Variants in TCERG1 observed in about 807,000 individuals in gnomAD.
The protein encoded by TCERG1 is transcription elongation regulator 1, also known as TATA box binding protein (TBP)-associated factor, RNA polymerase II, S, 150kD.
A neutral mutation model predicts 144.7 loss-of-function variants in TCERG1; 37 were observed. The observed-to-expected ratio is 0.26, with a 90% CI of 0.20 to 0.34. The LOEUF is 0.34. TCERG1 is among the 10% of genes least tolerant of loss of function. The probability of loss-of-function intolerance (pLI) is 1.00; values close to 1 mark genes in which losing one functional copy is unlikely to be tolerated. For missense variants in TCERG1, 1,027 were observed against 1,380.7 expected (o/e 0.74, Z 4.06); for synonymous variants, 492 against 458.2 (o/e 1.07, Z -0.94).
intron 17 of TCERG1, among the ~76,000 whole-genome samples, chr5:146,502,389 C>G (rs1236225419): frequency 1.3e-5 from 2 of 152,072 alleles, no homozygotes; most frequent in African/African-American, 4.8e-5. Context: ...GTTGAAATGA[C>G]CTTGGTTACC....
chr5:146,466,355 T>C (rs1763790088), intron 5 of TCERG1, among the ~76,000 whole-genome samples: 1 of 152,222 alleles, frequency 6.6e-6, no homozygotes, highest in Admixed American at 6.5e-5. Context: ...GAACGGATGG[T>C]CAAACAAGAT....
intron 15 of TCERG1, among the ~76,000 whole-genome samples, chr5:146,491,795 A>G (rs776711529): frequency 3.3e-5 from 5 of 152,198 alleles, no homozygotes; most frequent in African/African-American, 4.8e-5. Context: ...TGTGGGCCAT[A>G]TGGTCTCTAT....
intron 2 of TCERG1, 44 bp from the exon 3 acceptor site, chr5:146,457,139 G>A: frequency 6.3e-7 from 1 of 1,585,796 alleles, no homozygotes; most frequent in African/African-American, 1.3e-5. Context: ...TAATTTGGAG[G>A]AAAAGTAATT....
At chr5:146,460,056 G>A (rs1235163299) in intron 4 of TCERG1, among the ~76,000 whole-genome samples, 1 of 152,018 alleles carries the variant, frequency 6.6e-6, no homozygotes, top group African/African-American at 2.4e-5. Flanking sequence ...AATAAGGGAG[G>A]TTTATTAGGA....
In TCERG1 at chr5:146,501,971, T is replaced by G. The variant is rs953869756; in HGVS notation, c.2434-1404T>G. 2.9e-5 allele frequency among the ~76,000 whole-genome samples: 4 copies of G among 138,684 alleles called. No individual in the cohort carries two copies. In the Admixed American group the frequency reaches 3.4e-4, roughly 12 times the overall value. 91.0% of individuals were successfully genotyped at this position (138,684 alleles called of 152,430 possible). A position where few individuals can be genotyped will look rare whatever the true frequency, so the allele number is the denominator to read the frequency against. On this transcript the variant is annotated intron_variant, in intron 17 of 22. Coordinates refer to ENST00000679501, the MANE Select transcript of TCERG1 (RefSeq NM_001382548.1). The stretch of plus-strand genomic sequence containing the variant: ...GTGCAATGGTGCAGTCTCAGCTCAC[T>G]GCCACCTCTGCCTCCTGGGTTCAGG...
intron 4 of TCERG1, among the ~76,000 whole-genome samples, chr5:146,459,641 C>T (rs1763168329): frequency 6.6e-6 from 1 of 152,184 alleles, no homozygotes; most frequent in Non-Finnish European, 1.5e-5. Context: ...GTCTTGGTCC[C>T]TACCTTACAG....
chr5:146,493,045 G>C lies in TCERG1; in HGVS notation c.2282+7G>C. Reference sequence around the variant, plus strand: ...AAGCAAAATTTAATCCAAGGTATGTGGTTTGTTTCTCTTAAATATCAAAGT... The same window carrying C: ...AAGCAAAATTTAATCCAAGGTATGTCGTTTGTTTCTCTTAAATATCAAAGT... On this transcript the variant is annotated splice_region_variant and intron_variant, in intron 16 of 22. Transcript: ENST00000679501. 6.5e-7 allele frequency: 1 copy of C among 1,543,832 alleles called. No homozygotes were observed. The highest frequency in any genetic ancestry group is 8.9e-7 in the Non-Finnish European group (1 of 1,129,358).
At chr5:146,460,415 C>T (rs1248117357) in intron 4 of TCERG1, among the ~76,000 whole-genome samples, 2 of 119,532 alleles carry the variant, frequency 1.7e-5, no homozygotes, top group Non-Finnish European at 3.8e-5. Flanking sequence ...CCCGAAAGTA[C>T]TTAAATAATG....
intron 8 of TCERG1, among the ~76,000 whole-genome samples, chr5:146,471,038 T>C (rs1433583782): frequency 1.3e-5 from 2 of 152,246 alleles, no homozygotes; most frequent in African/African-American, 4.8e-5. Flanking sequence ...ATTATAAGTG[T>C]AACTTCTTAC....
chr5:146,459,259 A>G lies in TCERG1; in HGVS notation c.814A>G (p.Thr272Ala), dbSNP rs1232433524. ...TTSSPAPAVS[T>A]STSSSTPSST... Reference sequence around the variant, plus strand: ...CAGTAGCCCAGCACCTGCAGTATCCACTTCAACATCATCATCCACCCCTTC... The same window carrying G: ...CAGTAGCCCAGCACCTGCAGTATCCGCTTCAACATCATCATCCACCCCTTC... Residue 272 changes from threonine to alanine, a missense_variant, in exon 4 of 23, where the codon ACT (threonine) becomes GCT (alanine). Thr to Ala is a moderately conservative substitution (Grantham distance 58, BLOSUM62 0). Coordinates refer to ENST00000679501, the MANE Select transcript of TCERG1 (RefSeq NM_001382548.1). 3 of 1,614,252 alleles carry G rather than the reference A, an allele frequency of 1.9e-6. No individual in the cohort carries two copies. The highest frequency in any genetic ancestry group is 3.3e-5 in the Admixed American group (2 of 60,030).
At chr5:146,461,230 A>AATCATATTCT (rs1175556276) in intron 4 of TCERG1, among the ~76,000 whole-genome samples, 1 of 152,126 alleles carries the variant, frequency 6.6e-6, no homozygotes, top group Non-Finnish European at 1.5e-5. Flanking sequence ...AATATAGCAA[A>AATCATATTCT]ATCATATTCT....
intron 22 of TCERG1, chr5:146,510,180 T>G (rs1476413179): frequency 1.9e-6 from 2 of 1,045,718 alleles, no homozygotes; most frequent in Non-Finnish European, 2.6e-6. Context: ...GGGCAAGATT[T>G]ACCCACCCAC....
intron 9 of TCERG1, among the ~76,000 whole-genome samples, chr5:146,474,070 A>AT (rs577299973): frequency 6.9e-6 from 1 of 145,254 alleles, no homozygotes; most frequent in Non-Finnish European, 1.5e-5. Flanking sequence ...GCTGCCGTAG[A>AT]TTGTGATTCC....
In TCERG1 at chr5:146,504,016, A is replaced by T; in HGVS notation, c.2781+10A>T. ...TCTTCTGTCTGACATGGTATACGTT[A>T]ATCTTTTACTTTTTTTCTCTAAAGT... On this transcript the variant is annotated intron_variant, in intron 19 of 22. Transcript: ENST00000679501. 1 of 1,507,906 alleles carries T rather than the reference A, an allele frequency of 6.6e-7. No individual in the cohort carries two copies. Among genetic ancestry groups the T allele is most frequent in the South Asian group, 1.4e-5 (1 of 70,702 alleles). 93.4% of individuals were successfully genotyped at this position (1,507,906 alleles called of 1,614,324 possible).
At chr5:146,492,728 G>A in intron 15 of TCERG1, 192 bp from the exon 16 acceptor site, 1 of 395,694 alleles carries the variant, frequency 2.5e-6, no homozygotes, top group Non-Finnish European at 4.6e-6. Flanking sequence ...AGCCTAAGTA[G>A]AGAGCTGTGT....
intron 15 of TCERG1, among the ~76,000 whole-genome samples, chr5:146,486,234 T>C (rs1023561946): frequency 1.3e-5 from 2 of 152,250 alleles, no homozygotes; most frequent in East Asian, 3.8e-4. Context: ...AATAACTTCA[T>C]TGGAAATGCC....
rs1168839810 is a variant in TCERG1 at position 146,509,241 on chromosome 5, T to C, written c.3142T>C (p.Tyr1048His). 5 of 1,598,002 alleles carry C rather than the reference T, an allele frequency of 3.1e-6. No homozygotes were observed. Residue 1048 changes from tyrosine to histidine, a missense_variant, in exon 22 of 23, where the codon TAT (tyrosine) becomes CAT (histidine). By Grantham distance (83) the Tyr-to-His change is moderately conservative. Coordinates refer to ENST00000679501, the MANE Select transcript of TCERG1 (RefSeq NM_001382548.1). ...TTTGAAAGAGACCAAATTTATAACATATAGGTGTGTGCAATGAAATGTTTC... is the reference window on the plus strand; with the variant it reads ...TTTGAAAGAGACCAAATTTATAACACATAGGTGTGTGCAATGAAATGTTTC... ...TLLKETKFITYRSKKLIQESD... is the reference protein window; with the variant it reads ...TLLKETKFITHRSKKLIQESD...
At chr5:146,502,235 G>A (rs1373360788) in intron 17 of TCERG1, among the ~76,000 whole-genome samples, 2 of 152,162 alleles carry the variant, frequency 1.3e-5, no homozygotes, top group African/African-American at 4.8e-5. Flanking sequence ...AAGGGGAAAT[G>A]ATAGTGTTAG....
chr5:146,476,535 T>A (rs1265838897), intron 9 of TCERG1, among the ~76,000 whole-genome samples: 8 of 151,936 alleles, frequency 5.3e-5, no homozygotes, highest in African/African-American at 1.9e-4. Context: ...TTCCACTGAC[T>A]GTTACACAGG....
Sources: allele counts gnomAD v4.1 joint callset (sites outside exome capture counted in the v4.1 genomes callset), GRCh38; gene constraint gnomAD v4.1.1; transcripts MANE v1.5; gene names NCBI Gene and HGNC (gene_info 2026-07-23, HGNC 2026-07-21).